Variants in GLB1L3 observed in about 807,000 individuals in gnomAD.
GLB1L3 encodes the protein beta-galactosidase-1-like protein 3.
A neutral mutation model predicts 89.5 loss-of-function variants in GLB1L3; 89 were observed. The ratio of observed to expected loss-of-function variants is 0.99; its 90% CI spans 0.84 to 1.19. The LOEUF (loss-of-function observed/expected upper bound fraction) is 1.19. GLB1L3 is among the 50% of genes most tolerant of loss of function. GLB1L3 has a pLI of 0.00. For missense variants in GLB1L3, 812 were observed against 813.3 expected (o/e 1.00, Z 0.02); for synonymous variants, 314 against 312.3 (o/e 1.01, Z -0.06).
At chr11:134,302,052 G>A (rs1028376630) in intron 9 of GLB1L3, among the ~76,000 whole-genome samples, 9 of 151,764 alleles carry the variant, frequency 5.9e-5, no homozygotes, top group African/African-American at 1.2e-4. Flanking sequence ...GTGGCTTCTC[G>A]CTGGCCTGCT....
At chr11:134,320,038 A>G (rs141863866), downstream of GLB1L3, among the ~76,000 whole-genome samples, 3 of 152,220 alleles carry the variant, frequency 2.0e-5, no homozygotes, top group East Asian at 5.8e-4. Flanking sequence ...GAATATTCCA[A>G]CCACTATGAA....
chr11:134,283,501 C>G (rs751828162), intron 5 of GLB1L3, among the ~76,000 whole-genome samples: 2 of 152,178 alleles, frequency 1.3e-5, no homozygotes, highest in Non-Finnish European at 2.9e-5. Flanking sequence ...AAGGCCTTTC[C>G]GAAGTTGTGA....
intron 11 of GLB1L3, chr11:134,310,104 G>C: frequency 2.5e-6 from 1 of 403,380 alleles, no homozygotes; most frequent in Non-Finnish European, 4.5e-6. Context: ...GCAAAGAAAA[G>C]AGTACCCGTT....
intron 9 of GLB1L3, among the ~76,000 whole-genome samples, chr11:134,296,658 T>C (rs1043865026): frequency 1.2e-4 from 15 of 121,660 alleles, no homozygotes; most frequent in Admixed American, 3.4e-4. Flanking sequence ...CACATGGACA[T>C]AGGAAGGGGA....
intron 6 of GLB1L3, among the ~76,000 whole-genome samples, chr11:134,286,292 G>A (rs960524327): frequency 6.6e-6 from 1 of 152,210 alleles, no homozygotes; most frequent in African/African-American, 2.4e-5. Context: ...CTTAGGAATG[G>A]TGTTGCTGCA....
At chr11:134,289,245 T>G (rs574874233) in intron 7 of GLB1L3, among the ~76,000 whole-genome samples, 1 of 152,122 alleles carries the variant, frequency 6.6e-6, no homozygotes, top group Non-Finnish European at 1.5e-5. Context: ...GAAAATGTAT[T>G]GACTTCTCAT....
At chr11:134,277,486 G>A (rs1940441484) in intron 2 of GLB1L3, 35 bp downstream of exon 2, 1 of 1,602,612 alleles carries the variant, frequency 6.2e-7, no homozygotes, top group South Asian at 1.1e-5. Flanking sequence ...GGGAGGGAGG[G>A]GAGCGATCTC....
At chr11:134,321,688 A>G (rs970322077), downstream of GLB1L3, among the ~76,000 whole-genome samples, 2 of 152,126 alleles carry the variant, frequency 1.3e-5, no homozygotes, top group African/African-American at 2.4e-5. Context: ...CAGACCCTGC[A>G]TGTTCTCACT....
At chr11:134,321,931 A>T (rs1489433222), downstream of GLB1L3, among the ~76,000 whole-genome samples, 1 of 151,620 alleles carries the variant, frequency 6.6e-6, no homozygotes, top group Non-Finnish European at 1.5e-5. Flanking sequence ...AAAAAAAAGT[A>T]CAAGTAGAAA....
rs994631296 is a variant in GLB1L3, at chr11:134,319,563, C to G, written c.*621C>G. ...ATGTGAATAAAATAAAAACAAGTTT[C>G]ATTTCTGCCTCCCATACTCAATTGA... On this transcript the variant is annotated 3_prime_UTR_variant, in exon 20 of 20. Coordinates refer to ENST00000431683, the MANE Select transcript of GLB1L3 (RefSeq NM_001080407.3). The G allele has an allele frequency of 6.6e-6, 1 of 152,090 alleles. No homozygotes were observed. The highest frequency in any genetic ancestry group is 1.5e-5 in the Non-Finnish European group (1 of 68,008). The allele number at this position is 152,090 out of a possible 1,614,324, so 9.4% of individuals were successfully genotyped here.
chr11:134,286,600 C>G (rs975372564), intron 6 of GLB1L3, among the ~76,000 whole-genome samples: 1 of 151,650 alleles, frequency 6.6e-6, no homozygotes, highest in Non-Finnish European at 1.5e-5. Flanking sequence ...CACGGTGAAA[C>G]CCCGTCTCTA....
Position 134,313,982 on chromosome 11 carries a change from G to A in GLB1L3, c.1621G>A (p.Gly541Ser), listed in dbSNP as rs1336561099. Reference protein sequence around the residue: ...SVSINNSSLEGFTIYSLEMKM... With the variant: ...SVSINNSSLESFTIYSLEMKM... ...CAGCATCAATAACTCTTCCCTGGAG[G>A]GCTTTACCATCTATTCCCTGGAGAT... is the stretch of plus-strand genomic sequence containing the variant. The change falls in exon 17 of 20, where the codon GGC becomes AGC. Residue 541 changes from glycine (G) to serine (S), a missense_variant. This residue lies in a region of GLB1L3 where 618 missense variants were observed against 604.0 expected (regional missense o/e 1.02). Transcript: ENST00000431683. 6.2e-7 allele frequency: 1 copy of A among 1,612,748 alleles called. No individual in the cohort carries two copies. Among genetic ancestry groups the A allele is most frequent in the Non-Finnish European group, 8.5e-7 (1 of 1,179,312 alleles).
chr11:134,317,605 C>T (rs998418314), intron 18 of GLB1L3, among the ~76,000 whole-genome samples: 6 of 152,092 alleles, frequency 3.9e-5, no homozygotes, highest in Non-Finnish European at 5.9e-5. Flanking sequence ...TGTAAATATT[C>T]TGAGGTATAC....
chr11:134,314,715 G>A (rs887987344), intron 18 of GLB1L3, among the ~76,000 whole-genome samples: 1 of 152,100 alleles, frequency 6.6e-6, no homozygotes, highest in Admixed American at 6.5e-5. Flanking sequence ...ATTCCAATTA[G>A]TCTCTGCTTC....
chr11:134,294,720 A>C (rs866530531), intron 9 of GLB1L3, among the ~76,000 whole-genome samples: 5 of 152,140 alleles, frequency 3.3e-5, no homozygotes, highest in South Asian at 2.1e-4. Context: ...GTTTCACATA[A>C]GCGCGCTCAT....
chr11:134,306,372 C>G (rs1047361187), intron 9 of GLB1L3, among the ~76,000 whole-genome samples: 2 of 152,080 alleles, frequency 1.3e-5, no homozygotes, highest in African/African-American at 4.8e-5. Context: ...ATTTATTTTC[C>G]ACTCATCTTT....
intron 7 of GLB1L3, among the ~76,000 whole-genome samples, chr11:134,289,241 G>A (rs1387165960): frequency 6.6e-6 from 1 of 152,104 alleles, no homozygotes; most frequent in African/African-American, 2.4e-5. Flanking sequence ...AACAGAAAAT[G>A]TATTGACTTC....
At position 134,318,927 on chromosome 11, in the gene GLB1L3, C is replaced by A. The variant is rs1181809619; in HGVS notation, c.1947C>A (p.Asp649Glu). The stretch of plus-strand genomic sequence containing the variant: ...GTGGCTCAGATATCAAATCTACAGA[C>A]AAGCCCACGCTGTAAAACTGTGTCT... ...MMSGSDIKST[D>E]KPTL The change falls in exon 20 of 20, where the codon GAC (aspartate) becomes GAA (glutamate). Residue 649 changes from aspartate to glutamate, a missense_variant. Transcript: ENST00000431683. 6.2e-7 allele frequency: 1 copy of A among 1,609,026 alleles called. No individual in the cohort carries two copies. The highest frequency in any genetic ancestry group is 8.5e-7 in the Non-Finnish European group (1 of 1,176,276).
intron 6 of GLB1L3, among the ~76,000 whole-genome samples, chr11:134,285,864 T>G (rs536754579): frequency 4.6e-5 from 7 of 151,818 alleles, no homozygotes; most frequent in African/African-American, 1.7e-4. Context: ...AACATATAGA[T>G]CTAGGCCTTT....
Sources: allele counts gnomAD v4.1 joint callset (sites outside exome capture counted in the v4.1 genomes callset), GRCh38; gene constraint gnomAD v4.1.1; regional missense constraint gnomAD v4.1.1; transcripts MANE v1.5; gene names NCBI Gene and HGNC (gene_info 2026-07-23, HGNC 2026-07-21).